Variants in PELI2 observed in about 807,000 individuals in gnomAD.
PELI2 encodes pellino E3 ubiquitin protein ligase family member 2, also known as E3 ubiquitin-protein ligase pellino homolog 2.
PELI2 carries 23 observed loss-of-function variants against 42.3 expected under a neutral mutation model. The ratio of observed to expected loss-of-function variants is 0.54; its 90% CI spans 0.39 to 0.77. The LOEUF (loss-of-function observed/expected upper bound fraction) is 0.77. PELI2 is among the 30% of genes least tolerant of loss of function. The pLI, the probability that PELI2 is intolerant of heterozygous loss-of-function variation, is 0.00. For synonymous variants in PELI2, 245 were observed against 212.2 expected (o/e 1.15, Z -1.34); for missense variants, 463 against 553.2 (o/e 0.84, Z 1.64).
At chr14:56,249,475 C>T (rs1196815525) in intron 2 of PELI2, among the ~76,000 whole-genome samples, 1 of 152,208 alleles carries the variant, frequency 6.6e-6, no homozygotes, top group Admixed American at 6.5e-5. Flanking sequence ...CCAAAGACCA[C>T]TTCCTCCTCC....
intron 2 of PELI2, among the ~76,000 whole-genome samples, chr14:56,201,481 C>A (rs1201024412): frequency 6.6e-6 from 1 of 152,142 alleles, no homozygotes. Flanking sequence ...TTTTTAAGTT[C>A]ATGTGTCTGT....
At chr14:56,122,331 A>C (rs1322358570) in intron 1 of PELI2, among the ~76,000 whole-genome samples, 1 of 152,148 alleles carries the variant, frequency 6.6e-6, no homozygotes, top group African/African-American at 2.4e-5. Context: ...TTTATTCTTG[A>C]GGACACAGGC....
At chr14:56,165,116 T>G (rs1884906925) in intron 1 of PELI2, among the ~76,000 whole-genome samples, 1 of 152,070 alleles carries the variant, frequency 6.6e-6, no homozygotes, top group Admixed American at 6.5e-5. Context: ...GATGCATCAT[T>G]AGATTGTTCA....
At chr14:56,173,095 T>C (rs2139658791) in intron 1 of PELI2, among the ~76,000 whole-genome samples, 1 of 152,324 alleles carries the variant, frequency 6.6e-6, no homozygotes, top group East Asian at 1.9e-4. Context: ...ATAATTTCTC[T>C]GGAGCTCCAG....
intron 2 of PELI2, among the ~76,000 whole-genome samples, chr14:56,211,133 A>G (rs911100866): frequency 1.3e-5 from 2 of 152,332 alleles, no homozygotes; most frequent in African/African-American, 4.8e-5. Context: ...CCATAAGGAC[A>G]GATAAAATCT....
intron 3 of PELI2, among the ~76,000 whole-genome samples, chr14:56,283,423 C>G (rs1481075875): frequency 1.3e-5 from 2 of 152,186 alleles, no homozygotes. Flanking sequence ...GCACCAGCAG[C>G]TTTACCCACC....
At chr14:56,220,335 G>A (rs962630463) in intron 2 of PELI2, among the ~76,000 whole-genome samples, 1 of 152,150 alleles carries the variant, frequency 6.6e-6, no homozygotes, top group Non-Finnish European at 1.5e-5. Context: ...TGACAATCTG[G>A]CCGGAAGCTA....
chr14:56,240,892 C>G (rs763369876), intron 2 of PELI2, among the ~76,000 whole-genome samples: 1 of 152,136 alleles, frequency 6.6e-6, no homozygotes, highest in Non-Finnish European at 1.5e-5. Context: ...TCACTAAGAA[C>G]AATATGACAT....
chr14:56,189,120 C>T (rs781308633), intron 2 of PELI2, among the ~76,000 whole-genome samples: 6 of 152,186 alleles, frequency 3.9e-5, no homozygotes, highest in African/African-American at 1.4e-4. Flanking sequence ...GATCTCGCCA[C>T]TGCACTCCAG....
In PELI2 at chr14:56,290,315, C is replaced by A. The variant is rs368878161; in HGVS notation, c.555C>A (p.Leu185=). Residue 185 remains leucine, a synonymous_variant, in exon 5 of 6, where the codon CTC becomes CTA. Coordinates refer to ENST00000267460, the MANE Select transcript of PELI2 (RefSeq NM_021255.3). ...ACCCCGACGGCCACATGGATGGGCT[C>A]ACTACTAATGGCGTCCTGGTGATGC... ...WKNPDGHMDG[L]TTNGVLVMHP... The A allele has an allele frequency of 6.2e-7, 1 of 1,611,512 alleles. No individual in the cohort carries two copies. Among genetic ancestry groups the A allele is most frequent in the South Asian group, 1.1e-5 (1 of 90,780 alleles).
Position 56,288,026 on chromosome 14 carries a change from T to C in PELI2, c.310-411T>C, listed in dbSNP as rs1889699719. 6.6e-6 allele frequency among the ~76,000 whole-genome samples: 1 copy of C among 152,088 alleles called. No homozygotes were observed. Among genetic ancestry groups the C allele is most frequent in the Non-Finnish European group, 1.5e-5 (1 of 68,010 alleles). ...ATCTGATGAGTGGCCAAAGATCTAC[T>C]CCTGTCCTCTTAATTGAGCTTTTTC... On this transcript the variant is annotated intron_variant, in intron 3 of 5. Transcript: ENST00000267460. The surrounding 1 kb of genome is among the most constrained non-coding windows in gnomAD (Gnocchi z 4.6).
At chr14:56,293,443 G>A (rs1345180780) in intron 5 of PELI2, among the ~76,000 whole-genome samples, 4 of 152,172 alleles carry the variant, frequency 2.6e-5, no homozygotes, top group African/African-American at 9.7e-5. Flanking sequence ...TAACCTCTCT[G>A]TGCCTGGCTT....
rs556219836 is a variant in PELI2, at chr14:56,165,587, A to G, written c.78-12748A>G. ...CTGCTGGATGAAATATTTCGTAAATACCTATTAGATTCATTTTTTCCATAG... is the reference window on the plus strand; with the variant it reads ...CTGCTGGATGAAATATTTCGTAAATGCCTATTAGATTCATTTTTTCCATAG... On this transcript the variant is annotated intron_variant, in intron 1 of 5. Coordinates refer to ENST00000267460, the MANE Select transcript of PELI2 (RefSeq NM_021255.3). Among the ~76,000 whole-genome samples the G allele has an allele frequency of 1.9e-4, 29 of 152,238 alleles. 1 individual carries two copies. The South Asian group carries it at 5.6e-3, about 29-fold the overall frequency.
intron 5 of PELI2, among the ~76,000 whole-genome samples, chr14:56,292,009 G>A (rs1001523865): frequency 1.3e-5 from 2 of 152,212 alleles, no homozygotes; most frequent in African/African-American, 2.4e-5. Context: ...GCTGGAGTCC[G>A]TGGGGAGCGC....
chr14:56,211,802 C>CTT (rs3837611), intron 2 of PELI2, among the ~76,000 whole-genome samples: 6 of 150,388 alleles, frequency 4.0e-5, no homozygotes, highest in African/African-American at 1.5e-4. Flanking sequence ...TTAAAAGGCT[C>CTT]TTTTTTTTTT....
chr14:56,206,207 G>A (rs967153712), intron 2 of PELI2, among the ~76,000 whole-genome samples: 3 of 152,186 alleles, frequency 2.0e-5, no homozygotes, highest in African/African-American at 7.2e-5. Context: ...TGGTGCTTCA[G>A]ATTACTTCCC....
chr14:56,241,824 G>T (rs1241375640), intron 2 of PELI2, among the ~76,000 whole-genome samples: 1 of 152,172 alleles, frequency 6.6e-6, no homozygotes, highest in Non-Finnish European at 1.5e-5. Context: ...GCCTGGTTCT[G>T]TACTTAGCCC....
At chr14:56,184,291 A>G (rs1300992055) in intron 2 of PELI2, among the ~76,000 whole-genome samples, 4 of 152,108 alleles carry the variant, frequency 2.6e-5, no homozygotes, top group Admixed American at 2.6e-4. Flanking sequence ...TATTTGACAA[A>G]TACTAAGTGA....
intron 2 of PELI2, among the ~76,000 whole-genome samples, chr14:56,217,577 A>G (rs1460618378): frequency 6.6e-6 from 1 of 152,238 alleles, no homozygotes; most frequent in East Asian, 1.9e-4. Context: ...TCACTGCATC[A>G]GGAAACTGTG....
Sources: allele counts gnomAD v4.1 joint callset (sites outside exome capture counted in the v4.1 genomes callset), GRCh38; gene constraint gnomAD v4.1.1; non-coding constraint Gnocchi (gnomAD v3.1); transcripts MANE v1.5; gene names NCBI Gene and HGNC (gene_info 2026-07-23, HGNC 2026-07-21).